The following DLG2 variants were observed in gnomAD, a reference collection of about 807,000 sequenced individuals.
DLG2 encodes discs large MAGUK scaffold protein 2.
Under a neutral mutation model 132.5 loss-of-function variants are expected in DLG2, and 45 were observed. The ratio of observed to expected loss-of-function variants is 0.34; its 90% CI spans 0.27 to 0.44. The LOEUF is 0.44. Ranked by LOEUF, DLG2 falls within the 20% of genes least tolerant of loss-of-function variation. The probability of loss-of-function intolerance (pLI) is 1.00; values close to 1 mark genes in which losing one functional copy is unlikely to be tolerated. For missense variants in DLG2, 1,045 were observed against 1,196.9 expected (o/e 0.87, Z 1.87); for synonymous variants, 424 against 419.6 (o/e 1.01, Z -0.13).
intron 6 of DLG2, among the ~76,000 whole-genome samples, chr11:84,866,743 T>C (rs1454089937): frequency 1.3e-5 from 2 of 152,344 alleles, no homozygotes; most frequent in East Asian, 3.9e-4. Flanking sequence ...TAATCTTTAT[T>C]ATAATCCTAT....
intron 17 of DLG2, among the ~76,000 whole-genome samples, chr11:83,805,947 G>C (rs571716704): frequency 1.3e-5 from 2 of 152,134 alleles, no homozygotes; most frequent in African/African-American, 4.8e-5. Flanking sequence ...AGATGAGAAT[G>C]CTAGAGTTCA....
intron 18 of DLG2, among the ~76,000 whole-genome samples, chr11:83,656,999 C>T (rs1432312427): frequency 6.6e-6 from 1 of 152,182 alleles, no homozygotes; most frequent in Non-Finnish European, 1.5e-5. Flanking sequence ...TGAAATCCTA[C>T]TCAGTCATCC....
intron 3 of DLG2, among the ~76,000 whole-genome samples, chr11:85,346,563 C>T (rs1247619862): frequency 6.6e-6 from 1 of 152,066 alleles, no homozygotes; most frequent in East Asian, 1.9e-4. Context: ...CCTTTGTTCT[C>T]CAGAAATCAG....
In DLG2 at chr11:83,644,699, G is replaced by C. The variant is rs553812895; in HGVS notation, c.1826-11374C>G. Among the ~76,000 whole-genome samples the C allele has an allele frequency of 1.4e-3, 218 of 152,174 alleles. 1 individual carries two copies. Among genetic ancestry groups the C allele is most frequent in the Non-Finnish European group, 2.3e-3 (154 of 67,980 alleles). On this transcript the variant is annotated intron_variant, in intron 18 of 27. Transcript: ENST00000376104. The stretch of plus-strand genomic sequence containing the variant: ...ATTTATGGTAACAATTTCATGCTCA[G>C]TTTAGTTACTTCCATGACTCAGAAA...
intron 6 of DLG2, among the ~76,000 whole-genome samples, chr11:84,584,553 CTGCTATGT>C (rs1205604310): frequency 1.3e-5 from 2 of 150,344 alleles, no homozygotes; most frequent in Admixed American, 6.6e-5. Context: ...AGATGGGTTC[CTGCTATGT>C]TGCTATGTTG....
At chr11:83,516,651 A>C (rs1265349991) in intron 21 of DLG2, among the ~76,000 whole-genome samples, 1 of 152,190 alleles carries the variant, frequency 6.6e-6, no homozygotes, top group Non-Finnish European at 1.5e-5. Flanking sequence ...ATGATTTTGC[A>C]GTGGCTGGTA....
At chr11:85,462,856 C>T (rs1478350469) in intron 3 of DLG2, among the ~76,000 whole-genome samples, 1 of 151,384 alleles carries the variant, frequency 6.6e-6, no homozygotes, top group Non-Finnish European at 1.5e-5. Flanking sequence ...GGAGATAAAA[C>T]CTCTAAGGAA....
chr11:85,173,163 A>C (rs1452533059), intron 4 of DLG2, among the ~76,000 whole-genome samples: 1 of 152,180 alleles, frequency 6.6e-6, no homozygotes, highest in Non-Finnish European at 1.5e-5. Flanking sequence ...CCCAAGATGC[A>C]TAATCGTCAG....
intron 18 of DLG2, 133 bp from the exon 19 acceptor site, chr11:83,633,458 G>A: frequency 1.5e-6 from 1 of 671,052 alleles, no homozygotes; most frequent in South Asian, 1.7e-5. Context: ...CAACTCAAGG[G>A]TATGCCTGTT....
chr11:84,515,276 TACACACACACACACACAC>T (rs142638064), intron 7 of DLG2, among the ~76,000 whole-genome samples: 3 of 141,850 alleles, frequency 2.1e-5, no homozygotes, highest in African/African-American at 5.2e-5. Flanking sequence ...TGAACTTAAA[TACACACACACACACACAC>T]ACACACACAC....
intron 16 of DLG2, among the ~76,000 whole-genome samples, chr11:83,845,213 G>A (rs1438661439): frequency 1.3e-5 from 2 of 151,974 alleles, no homozygotes; most frequent in Non-Finnish European, 2.9e-5. Flanking sequence ...CTACGTTCAC[G>A]TGAACAATGT....
At chr11:84,921,699 C>G (rs1473214565) in intron 6 of DLG2, among the ~76,000 whole-genome samples, 1 of 152,062 alleles carries the variant, frequency 6.6e-6, no homozygotes, top group Non-Finnish European at 1.5e-5. Context: ...GTACTTTTCT[C>G]CTTTCAAAAA....
At chr11:85,058,062 C>A (rs1305056231) in intron 6 of DLG2, among the ~76,000 whole-genome samples, 1 of 150,578 alleles carries the variant, frequency 6.6e-6, no homozygotes, top group Non-Finnish European at 1.5e-5. Flanking sequence ...GAGATTTTAG[C>A]CAGGAAAATA....
chr11:84,888,829 G>A (rs982582637), intron 6 of DLG2, among the ~76,000 whole-genome samples: 8 of 152,046 alleles, frequency 5.3e-5, no homozygotes, highest in African/African-American at 1.9e-4. Context: ...TGCTATTACT[G>A]TGGTCAGTGG....
intron 21 of DLG2, among the ~76,000 whole-genome samples, chr11:83,494,355 G>A (rs780289566): frequency 8.8e-5 from 13 of 148,364 alleles, no homozygotes; most frequent in East Asian, 3.9e-4. Flanking sequence ...TTGTAAACCC[G>A]CAAATTTAGT....
chr11:85,098,101 T>C (rs2070200807), intron 6 of DLG2, among the ~76,000 whole-genome samples: 1 of 152,222 alleles, frequency 6.6e-6, no homozygotes, highest in Admixed American at 6.5e-5. Context: ...GAGTATGTGC[T>C]GGAGTTTTAC....
At chr11:84,406,475 T>C (rs1381941644) in intron 7 of DLG2, among the ~76,000 whole-genome samples, 3 of 152,246 alleles carry the variant, frequency 2.0e-5, no homozygotes, top group African/African-American at 2.4e-5. Context: ...TACACCACCA[T>C]ACGATGTTAA....
chr11:84,417,123 G>A (rs996946109), intron 7 of DLG2, among the ~76,000 whole-genome samples: 1 of 152,168 alleles, frequency 6.6e-6, no homozygotes, highest in Admixed American at 6.5e-5. Context: ...CACACAGTAA[G>A]GGCTCTGTGA....
At chr11:84,640,284 C>A (rs1044185662) in intron 6 of DLG2, 4 of 333,108 alleles carry the variant, frequency 1.2e-5, no homozygotes, top group Admixed American at 1.2e-4. Flanking sequence ...TGCTCACTTC[C>A]CTATCAATGT....
Sources: allele counts gnomAD v4.1 joint callset (sites outside exome capture counted in the v4.1 genomes callset), GRCh38; gene constraint gnomAD v4.1.1; transcripts MANE v1.5; gene names NCBI Gene and HGNC (gene_info 2026-07-23, HGNC 2026-07-21).